Variants in HS6ST3 observed in about 807,000 individuals in gnomAD.
HS6ST3 encodes heparan sulfate 6-O-sulfotransferase 3.
A neutral mutation model predicts 36.7 loss-of-function variants in HS6ST3; 12 were observed. That is an observed-to-expected ratio of 0.33 (90% CI 0.21 to 0.53). HS6ST3 has a LOEUF of 0.53. HS6ST3 is among the 20% of genes least tolerant of loss of function. The pLI is 0.95. For synonymous variants in HS6ST3, 240 were observed against 257.5 expected, an observed-to-expected ratio of 0.93 and a Z score of 0.65; for missense variants, 584 against 640.9, an observed-to-expected ratio of 0.91 and a Z score of 0.96.
chr13:96,655,952 A>G (rs1411677606), intron 1 of HS6ST3, among the ~76,000 whole-genome samples: 1 of 152,100 alleles, frequency 6.6e-6, no homozygotes, highest in Admixed American at 6.6e-5. Context: ...TATGTCACTC[A>G]TTTTCATTGT....
rs2053754661 is a variant in HS6ST3 at position 96,090,413 on chromosome 13, C to T, written c.-450C>T. The stretch of plus-strand genomic sequence containing the variant: ...CGCGCCTTCGCCCTTGGCCGGCGCC[C>T]TGGCGAGCCTCATGCAGCCCCGGCG... On this transcript the variant is annotated 5_prime_UTR_variant, in exon 1 of 2. Transcript: ENST00000376705. 6.8e-6 allele frequency among the ~76,000 whole-genome samples: 1 copy of T among 146,306 alleles called. No individual in the cohort carries two copies.
Position 96,403,593 on chromosome 13 carries a change from G to GA in HS6ST3, c.707+312033dup, listed in dbSNP as rs1044013506. Among the ~76,000 whole-genome samples the GA allele has an allele frequency of 2.4e-4, 36 of 151,240 alleles. No individual in the cohort carries two copies. The East Asian group carries it at 3.9e-3, about 16-fold the overall frequency. On this transcript the variant is annotated intron_variant, in intron 1 of 1. Transcript: ENST00000376705. ...TTGTTTTAATTTGTCTCTTCAAGAA[G>GA]AAAAAAAAATCCCCGTGAGAATAAT...
rs1396138425 is a variant in HS6ST3 at position 96,536,396 on chromosome 13, A to G, written c.708-296094A>G. Among the ~76,000 whole-genome samples, 5 of 152,330 alleles carry G rather than the reference A, an allele frequency of 3.3e-5. No homozygotes were observed. The East Asian group carries it at 9.6e-4, about 29-fold the overall frequency. ...GCTGCATTTACAAATAGTATTGAAAAAGCTCCCGCTGTTACACTTATAATT... is the reference window on the plus strand; with the variant it reads ...GCTGCATTTACAAATAGTATTGAAAGAGCTCCCGCTGTTACACTTATAATT... On this transcript the variant is annotated intron_variant, in intron 1 of 1. Transcript: ENST00000376705.
intron 1 of HS6ST3, among the ~76,000 whole-genome samples, chr13:96,461,880 T>C (rs2055786034): frequency 6.6e-6 from 1 of 152,164 alleles, no homozygotes; most frequent in Non-Finnish European, 1.5e-5. Context: ...ATAAAAATTA[T>C]AGTCTGCTTT....
chr13:96,090,833 C>G lies in HS6ST3; in HGVS notation c.-30C>G, dbSNP rs1444516976. 1.4e-6 allele frequency: 2 copies of G among 1,465,946 alleles called. No homozygotes were observed. Among genetic ancestry groups the G allele is most frequent in the Non-Finnish European group, 1.8e-6 (2 of 1,103,716 alleles). 90.8% of individuals were successfully genotyped at this position (1,465,946 alleles called of 1,614,324 possible). On this transcript the variant is annotated 5_prime_UTR_variant, in exon 1 of 2. Transcript: ENST00000376705. ...TCCGCCCTGCCGCCGCCGCCGCCGC[C>G]GCTTCGCCTGCCGGCCTGAGAGCGG...
intron 1 of HS6ST3, among the ~76,000 whole-genome samples, chr13:96,498,224 A>G (rs2055986658): frequency 6.6e-6 from 1 of 152,204 alleles, no homozygotes; most frequent in Non-Finnish European, 1.5e-5. Context: ...GGAAGAGACC[A>G]GAGGCAATTG....
intron 1 of HS6ST3, among the ~76,000 whole-genome samples, chr13:96,279,440 CAAAT>C (rs2054764256): frequency 6.6e-6 from 1 of 152,062 alleles, no homozygotes; most frequent in African/African-American, 2.4e-5. Context: ...AGACGTTAAA[CAAAT>C]AGCTATATAA....
At chr13:96,544,036 G>A (rs149991551) in intron 1 of HS6ST3, among the ~76,000 whole-genome samples, 634 of 151,654 alleles carry the variant, frequency 4.2e-3, no homozygotes, top group Non-Finnish European at 8.1e-3. Context: ...GACAGTAGTC[G>A]ATCTGAAAAG....
At chr13:96,436,860 G>A (rs1482523708) in intron 1 of HS6ST3, among the ~76,000 whole-genome samples, 1 of 151,988 alleles carries the variant, frequency 6.6e-6, no homozygotes. Flanking sequence ...TTTTGTTATG[G>A]CAGCCCTAGC....
chr13:96,555,578 C>T (rs1167659917), intron 1 of HS6ST3, among the ~76,000 whole-genome samples: 1 of 152,108 alleles, frequency 6.6e-6, no homozygotes, highest in Non-Finnish European at 1.5e-5. Context: ...TTGGTATTAT[C>T]AGGGCTTGTC....
intron 1 of HS6ST3, among the ~76,000 whole-genome samples, chr13:96,187,720 C>T (rs77733812): frequency 2.6e-5 from 4 of 152,308 alleles, no homozygotes; most frequent in Middle Eastern, 3.4e-3. Flanking sequence ...GGACTCGACA[C>T]GAGGAACCAC....
intron 1 of HS6ST3, among the ~76,000 whole-genome samples, chr13:96,601,864 G>A (rs2056422860): frequency 6.6e-6 from 1 of 152,044 alleles, no homozygotes; most frequent in Admixed American, 6.6e-5. Context: ...GCTTTCCATG[G>A]CAAAGACTCT....
intron 1 of HS6ST3, among the ~76,000 whole-genome samples, chr13:96,637,633 G>T: frequency 6.6e-6 from 1 of 152,030 alleles, no homozygotes; most frequent in Non-Finnish European, 1.5e-5. Context: ...AAGTTACATG[G>T]TAATTGGCTC....
At chr13:96,523,961 C>A (rs1024875322) in intron 1 of HS6ST3, among the ~76,000 whole-genome samples, 7 of 152,290 alleles carry the variant, frequency 4.6e-5, no homozygotes, top group Middle Eastern at 3.4e-3. Context: ...GAATTTTCAG[C>A]CTTTCTGCTC....
chr13:96,533,220 T>C (rs1177592608), intron 1 of HS6ST3, among the ~76,000 whole-genome samples: 1 of 152,202 alleles, frequency 6.6e-6, no homozygotes, highest in Non-Finnish European at 1.5e-5. Context: ...GCTTTGATTC[T>C]TCAGGGGGGT....
intron 1 of HS6ST3, among the ~76,000 whole-genome samples, chr13:96,517,087 C>G (rs964457653): frequency 5.9e-5 from 9 of 152,228 alleles, no homozygotes; most frequent in Admixed American, 1.3e-4. Flanking sequence ...TGAAGAAAAT[C>G]AAATGGCCAG....
Position 96,258,081 on chromosome 13 carries a change from A to G in HS6ST3, c.707+166512A>G, listed in dbSNP as rs117853426. 3.9e-3 allele frequency among the ~76,000 whole-genome samples: 600 copies of G among 152,338 alleles called. 3 individuals are homozygous for G. Among genetic ancestry groups the G allele is most frequent in the Admixed American group, 9.9e-3 (151 of 15,298 alleles). ...ACTGGACTTGATGGCAGTTCAGTAC[A>G]TCAGTTAAATCCAGTGGTCCAGCCT... On this transcript the variant is annotated intron_variant, in intron 1 of 1. Transcript: ENST00000376705.
At chr13:96,392,232 C>G (rs190697907) in intron 1 of HS6ST3, among the ~76,000 whole-genome samples, 118 of 152,300 alleles carry the variant, frequency 7.7e-4, no homozygotes, top group Non-Finnish European at 1.3e-3. Flanking sequence ...CCACTGGGCT[C>G]TACTATCATT....
intron 1 of HS6ST3, among the ~76,000 whole-genome samples, chr13:96,117,041 G>A (rs1409439028): frequency 6.6e-6 from 1 of 152,180 alleles, no homozygotes; most frequent in Non-Finnish European, 1.5e-5. Context: ...TTACTCATCT[G>A]TAAAATGAGA....
Sources: gnomAD v4.1 joint callset for allele counts (sites outside exome capture counted in the v4.1 genomes callset) on GRCh38, gnomAD v4.1.1 for gene constraint, MANE v1.5 for transcripts, NCBI Gene and HGNC (gene_info 2026-07-23, HGNC 2026-07-21) for gene names.